The following TASP1 variants were observed in gnomAD, a reference collection of about 807,000 sequenced individuals.
TASP1 encodes taspase 1, also known as threonine aspartase 1.
Under a neutral mutation model 56.6 loss-of-function variants are expected in TASP1, and 16 were observed. The observed-to-expected ratio is 0.28, with a 90% CI of 0.19 to 0.43. The LOEUF is 0.43. TASP1 is among the 20% of genes least tolerant of loss of function. The pLI is 1.00. For synonymous variants in TASP1, 179 were observed against 184.2 expected (o/e 0.97, Z 0.23); for missense variants, 393 against 511.6 (o/e 0.77, Z 2.24).
At chr20:13,244,600 C>T in the TASP1 span, among the ~76,000 whole-genome samples, 3 of 152,172 alleles carry the variant, frequency 2.0e-5, no homozygotes, top group Non-Finnish European at 4.4e-5. Context: ...AAGGCTTATT[C>T]CAGTTCACAG....
At chr20:13,194,481 A>C in the TASP1 span, among the ~76,000 whole-genome samples, 3 of 152,062 alleles carry the variant, frequency 2.0e-5, no homozygotes, top group Non-Finnish European at 4.4e-5. Flanking sequence ...TCCTTAAGCA[A>C]CAAAAGGAGT....
chr20:13,502,812 T>C (rs553311182), intron 10 of TASP1, among the ~76,000 whole-genome samples: 1 of 151,682 alleles, frequency 6.6e-6, no homozygotes, highest in African/African-American at 2.4e-5. Context: ...TCTGTGGGAG[T>C]CCAGAGTCCA....
chr20:13,390,063 T>C lies in TASP1; in HGVS notation c.*297A>G, dbSNP rs2041214613. The C allele has an allele frequency of 3.5e-6, 1 of 286,942 alleles. No individual in the cohort carries two copies. Among genetic ancestry groups the C allele is most frequent in the East Asian group, 8.1e-5 (1 of 12,316 alleles). 17.8% of individuals were successfully genotyped at this position (286,942 alleles called of 1,614,324 possible). ...ACATTTTGTAAAGATGATTTAACCA[T>C]TCCTGGTCACACAATGAGGAGTTTC... On this transcript the variant is annotated 3_prime_UTR_variant, in exon 14 of 14. Coordinates refer to ENST00000337743, the MANE Select transcript of TASP1 (RefSeq NM_017714.3).
At chr20:13,392,698 A>T (rs2123575690) in intron 13 of TASP1, 1 of 543,074 alleles carries the variant, frequency 1.8e-6, no homozygotes, top group Admixed American at 2.0e-5. Flanking sequence ...AGGCCAAAGT[A>T]AAAAGATTTG....
chr20:13,277,416 T>TCTACAGG, the TASP1 span, among the ~76,000 whole-genome samples: 3 of 92,704 alleles, frequency 3.2e-5, no homozygotes, highest in African/African-American at 1.3e-4. Flanking sequence ...CTCAGTTCCC[T>TCTACAGG]CAGATGGGGC....
At chr20:13,152,632 A>C in the TASP1 span, among the ~76,000 whole-genome samples, 1 of 152,170 alleles carries the variant, frequency 6.6e-6, no homozygotes, top group African/African-American at 2.4e-5. Context: ...TAAAAGAAAG[A>C]CTCAAATAGT....
the TASP1 span, among the ~76,000 whole-genome samples, chr20:13,263,576 A>G: frequency 6.6e-6 from 1 of 152,154 alleles, no homozygotes; most frequent in African/African-American, 2.4e-5. Context: ...TTGAAATACC[A>G]CTAGTGGCAT....
the TASP1 span, among the ~76,000 whole-genome samples, chr20:13,230,755 A>G: frequency 6.6e-6 from 1 of 151,422 alleles, no homozygotes; most frequent in Non-Finnish European, 1.5e-5. Flanking sequence ...AGAAAAAAAA[A>G]GAAAAGAAAA....
At chr20:13,220,054 C>T in the TASP1 span, among the ~76,000 whole-genome samples, 1 of 151,988 alleles carries the variant, frequency 6.6e-6, no homozygotes, top group African/African-American at 2.4e-5. Flanking sequence ...CACTGGGGTC[C>T]GGGACGCGGG....
At chr20:13,557,202 A>G (rs1271219968) in intron 8 of TASP1, among the ~76,000 whole-genome samples, 5 of 152,242 alleles carry the variant, frequency 3.3e-5, no homozygotes, top group Non-Finnish European at 7.3e-5. Context: ...TGGAAAAAAA[A>G]TCAAATGTCC....
chr20:13,370,795 A>G, the TASP1 span, among the ~76,000 whole-genome samples: 86 of 152,166 alleles, frequency 5.7e-4, no homozygotes, highest in Non-Finnish European at 1.2e-3. Flanking sequence ...ACCATCTAGT[A>G]CTAGGCTTTC....
At chr20:13,247,375 CTGACCCCTGATTCA>C in the TASP1 span, among the ~76,000 whole-genome samples, 5 of 152,160 alleles carry the variant, frequency 3.3e-5, no homozygotes, top group Non-Finnish European at 7.3e-5. Flanking sequence ...GTGTCCCTTC[CTGACCCCTGATTCA>C]TGTCTGCCCA....
At chr20:13,514,403 T>C (rs1480363230) in intron 10 of TASP1, among the ~76,000 whole-genome samples, 2 of 152,104 alleles carry the variant, frequency 1.3e-5, no homozygotes, top group East Asian at 3.9e-4. Context: ...GGAAATGCAA[T>C]GGTGCGAAGT....
the TASP1 span, among the ~76,000 whole-genome samples, chr20:13,215,938 C>T: frequency 6.6e-6 from 1 of 152,142 alleles, no homozygotes; most frequent in African/African-American, 2.4e-5. Context: ...CACTGTGACC[C>T]CTTCGTAGTT....
the TASP1 span, among the ~76,000 whole-genome samples, chr20:13,227,579 GCTCACTTCAAA>G: frequency 6.7e-6 from 1 of 149,112 alleles, no homozygotes; most frequent in African/African-American, 2.5e-5. Flanking sequence ...CGCGATCTTG[GCTCACTTCAAA>G]CTCTGCCTCC....
the TASP1 span, among the ~76,000 whole-genome samples, chr20:13,223,718 C>G: frequency 6.6e-6 from 1 of 152,142 alleles, no homozygotes; most frequent in Non-Finnish European, 1.5e-5. Flanking sequence ...AATTTCTATG[C>G]GGAAGTTGAA....
chr20:13,273,853 T>C, the TASP1 span, among the ~76,000 whole-genome samples: 2 of 152,194 alleles, frequency 1.3e-5, no homozygotes, highest in Non-Finnish European at 2.9e-5. Flanking sequence ...TAATTTTCTG[T>C]GAGCAATACA....
At chr20:13,608,163 T>C (rs1412702461) in intron 4 of TASP1, among the ~76,000 whole-genome samples, 3 of 152,242 alleles carry the variant, frequency 2.0e-5, no homozygotes, top group Admixed American at 6.5e-5. Context: ...CTAGTAAAAC[T>C]TGTACAATAT....
At chr20:13,147,774 G>T in the TASP1 span, among the ~76,000 whole-genome samples, 1 of 152,206 alleles carries the variant, frequency 6.6e-6, no homozygotes, top group Non-Finnish European at 1.5e-5. Flanking sequence ...AGGTCATGCA[G>T]TCTGTATTCT....
Sources: gnomAD v4.1 joint callset for allele counts (sites outside exome capture counted in the v4.1 genomes callset) on GRCh38, gnomAD v4.1.1 for gene constraint, MANE v1.5 for transcripts, NCBI Gene and HGNC (gene_info 2026-07-23, HGNC 2026-07-21) for gene names.